Variants in NUP98 observed in about 807,000 individuals in gnomAD.
NUP98 encodes the protein nuclear pore complex protein Nup98-Nup96.
A neutral mutation model predicts 191.9 loss-of-function variants in NUP98; 26 were observed. The ratio of observed to expected loss-of-function variants is 0.14; its 90% CI spans 0.10 to 0.19. The LOEUF (loss-of-function observed/expected upper bound fraction) is 0.19. Among genes scored for constraint, NUP98 ranks in the 10% least tolerant of loss-of-function variants. NUP98 has a pLI of 1.00. For missense variants in NUP98, 1,941 were observed against 2,178.8 expected (o/e 0.89, Z 2.17); for synonymous variants, 808 against 778.4 (o/e 1.04, Z -0.63).
intron 1 of NUP98, among the ~76,000 whole-genome samples, chr11:3,795,206 C>T (rs1006947073): frequency 4.6e-5 from 7 of 151,962 alleles, no homozygotes; most frequent in African/African-American, 1.5e-4. Flanking sequence ...TTTGGGAGGC[C>T]GAGGTGGGGG....
chr11:3,734,942 T>A (rs1232473840), intron 13 of NUP98, among the ~76,000 whole-genome samples: 1 of 152,182 alleles, frequency 6.6e-6, no homozygotes. Context: ...AACATTAATA[T>A]CTGCCTTATT....
chr11:3,790,483 T>C (rs1005825028), intron 1 of NUP98, among the ~76,000 whole-genome samples: 5 of 151,994 alleles, frequency 3.3e-5, no homozygotes, highest in South Asian at 2.1e-4. Flanking sequence ...CTTCCAGGGG[T>C]TCAATGAAAT....
At chr11:3,743,836 G>A (rs141004440) in intron 12 of NUP98, among the ~76,000 whole-genome samples, 9,159 of 151,576 alleles carry the variant, frequency 0.06, 324 homozygotes, top group Non-Finnish European at 0.092. Context: ...GGCGGATCAC[G>A]AGGTCAGGAA....
chr11:3,742,374 G>A (rs530284131), intron 12 of NUP98, among the ~76,000 whole-genome samples: 1 of 152,222 alleles, frequency 6.6e-6, no homozygotes, highest in African/African-American at 2.4e-5. Context: ...AACAGTTACA[G>A]GACAGAAAAT....
chr11:3,719,332 T>C, intron 18 of NUP98, 80 bp downstream of exon 18: 3 of 1,120,396 alleles, frequency 2.7e-6, no homozygotes, highest in South Asian at 1.5e-5. Flanking sequence ...TACAGAAGCA[T>C]ACATCTAAAC....
chr11:3,732,612 C>G (rs1476829741), intron 13 of NUP98, among the ~76,000 whole-genome samples: 1 of 152,162 alleles, frequency 6.6e-6, no homozygotes, highest in African/African-American at 2.4e-5. Context: ...AAGTCAAACT[C>G]TGGGTACCAG....
intron 17 of NUP98, 24 bp from the exon 18 acceptor site, chr11:3,719,574 A>G (rs371830866): frequency 2.2e-4 from 331 of 1,510,060 alleles, no homozygotes; most frequent in South Asian, 4.0e-4. Flanking sequence ...CAAATAGTTA[A>G]AAATTCATTC....
intron 10 of NUP98, 130 bp downstream of exon 10, chr11:3,760,409 C>T: frequency 7.3e-7 from 1 of 1,366,090 alleles, no homozygotes; most frequent in Non-Finnish European, 1.0e-6. Context: ...TAAATATTTC[C>T]AATCATACGA....
At chr11:3,784,926 C>CA (rs1031704513) in intron 1 of NUP98, among the ~76,000 whole-genome samples, 1 of 152,072 alleles carries the variant, frequency 6.6e-6, no homozygotes, top group Admixed American at 6.6e-5. Context: ...CACCTGAGAC[C>CA]AGGAGTTCGA....
chr11:3,782,851 C>T (rs1044611858), intron 1 of NUP98, among the ~76,000 whole-genome samples: 7 of 152,100 alleles, frequency 4.6e-5, no homozygotes, highest in African/African-American at 1.4e-4. Flanking sequence ...AACCACCGCA[C>T]CCGGCCAAGG....
intron 28 of NUP98, among the ~76,000 whole-genome samples, chr11:3,688,205 C>T (rs1029522873): frequency 5.9e-5 from 9 of 151,624 alleles, no homozygotes; most frequent in African/African-American, 1.9e-4. Flanking sequence ...GAGATCCAGA[C>T]CATCCTGGCT....
chr11:3,722,898 C>T (rs938533839), intron 16 of NUP98, among the ~76,000 whole-genome samples: 1 of 151,906 alleles, frequency 6.6e-6, no homozygotes, highest in African/African-American at 2.4e-5. Flanking sequence ...GTCTCTTTGG[C>T]TATAAAATTT....
intron 23 of NUP98, among the ~76,000 whole-genome samples, chr11:3,702,106 C>T (rs1487053579): frequency 2.0e-5 from 3 of 151,844 alleles, no homozygotes; most frequent in Non-Finnish European, 4.4e-5. Flanking sequence ...GGTGTGGTGG[C>T]GTGTGCATGT....
intron 8 of NUP98, among the ~76,000 whole-genome samples, chr11:3,767,062 T>A (rs1024037391): frequency 3.9e-5 from 6 of 152,166 alleles, no homozygotes; most frequent in African/African-American, 1.4e-4. Context: ...CCTCCTGGGT[T>A]TAAGCAATTC....
At chr11:3,761,766 CAAAACAAAACAAAACAA>C (rs1269204158) in intron 9 of NUP98, among the ~76,000 whole-genome samples, 7 of 151,198 alleles carry the variant, frequency 4.6e-5, no homozygotes, top group Non-Finnish European at 1.0e-4. Flanking sequence ...CTCAAAAAAA[CAAAACAAAACAAAACAA>C]AAAACAAAAC....
chr11:3,717,866 G>C (rs1459937628), intron 18 of NUP98, among the ~76,000 whole-genome samples: 1 of 152,114 alleles, frequency 6.6e-6, no homozygotes, highest in African/African-American at 2.4e-5. Flanking sequence ...CCTTTATCTT[G>C]TTAAAGTGGT....
At position 3,723,173 on chromosome 11, in the gene NUP98, G is replaced by A. The variant is rs948847547; in HGVS notation, c.2130C>T (p.Tyr710=). 1.2e-5 allele frequency: 19 copies of A among 1,613,910 alleles called. No homozygotes were observed. In the Admixed American group the frequency reaches 2.0e-4, roughly 17 times the overall value. Reference sequence around the variant, plus strand: ...GAACCTGACCTGCTGGGTGCATATGGTAAGAATTATTTTCTATTTCTTCTC... The same window carrying A: ...GAACCTGACCTGCTGGGTGCATATGATAAGAATTATTTTCTATTTCTTCTC... The part of the protein sequence containing the change: ...DDREEIENNS[Y]HMHPAGIILT... The change falls in exon 16 of 33, where the codon TAC becomes TAT. Residue 710 remains tyrosine, a synonymous_variant. Coordinates refer to ENST00000324932, the MANE Select transcript of NUP98 (RefSeq NM_016320.5).
chr11:3,745,065 A>G (rs1342436812), intron 11 of NUP98, among the ~76,000 whole-genome samples: 4 of 152,230 alleles, frequency 2.6e-5, no homozygotes, highest in Admixed American at 2.6e-4. Context: ...TCACAATGTT[A>G]TAAATGATAG....
chr11:3,760,738 C>T (rs1157931443), intron 9 of NUP98, 112 bp from the exon 10 acceptor site: 1 of 700,592 alleles, frequency 1.4e-6, no homozygotes. Flanking sequence ...GAAAGATGTC[C>T]TAACATTCAT....
Sources: allele counts gnomAD v4.1 joint callset (sites outside exome capture counted in the v4.1 genomes callset), GRCh38; gene constraint gnomAD v4.1.1; transcripts MANE v1.5; gene names NCBI Gene and HGNC (gene_info 2026-07-23, HGNC 2026-07-21).